UGT1A8: variants seen among roughly 807,000 people sequenced by gnomAD.
The protein encoded by UGT1A8 is UDP-glucuronosyltransferase 1A8.
UGT1A8 carries 39 observed loss-of-function variants against 45.3 expected under a neutral mutation model. The ratio of observed to expected loss-of-function variants is 0.86; its 90% confidence interval spans 0.67 to 1.12. UGT1A8 has a LOEUF of 1.12. Among genes scored for constraint, UGT1A8 ranks in the 50% most tolerant of loss-of-function variants. The pLI is 0.00. For missense variants in UGT1A8, 719 were observed against 664.9 expected (o/e 1.08, Z -0.90); for synonymous variants, 275 against 249.2 (o/e 1.10, Z -0.97).
At chr2:233,732,243 C>T (rs551987407) in intron 1 of UGT1A8, among the ~76,000 whole-genome samples, 33 of 152,314 alleles carry the variant, frequency 2.2e-4, no homozygotes, top group Non-Finnish European at 4.4e-4. Context: ...TGTAGGTTGC[C>T]TGTTCACTCT....
chr2:233,719,161 T>C, intron 1 of UGT1A8: 2 of 1,614,250 alleles, frequency 1.2e-6, no homozygotes, highest in Non-Finnish European at 1.7e-6. Flanking sequence ...TCTAGAAGTA[T>C]GGCAATTATG....
intron 1 of UGT1A8, among the ~76,000 whole-genome samples, chr2:233,638,755 T>C (rs2073371391): frequency 6.6e-6 from 1 of 152,206 alleles, no homozygotes; most frequent in African/African-American, 2.4e-5. Flanking sequence ...TATCTGTCAT[T>C]GGCAGATGGT....
At chr2:233,743,407 C>T in intron 1 of UGT1A8, 1 of 1,313,416 alleles carries the variant, frequency 7.6e-7, no homozygotes, top group Non-Finnish European at 1.0e-6. Flanking sequence ...AGAAAGGCCC[C>T]CACTTCCCAG....
chr2:233,744,040 C>T (rs1692664957), intron 1 of UGT1A8: 2 of 766,390 alleles, frequency 2.6e-6, no homozygotes, highest in South Asian at 1.7e-5. Context: ...TATGACGCAG[C>T]CACATCTCAT....
At chr2:233,690,758 CAT>C (rs55645630) in intron 1 of UGT1A8, 466,618 of 1,124,270 alleles carry the variant, frequency 0.42, 85,204 homozygotes, top group South Asian at 0.44. Flanking sequence ...CCAGTGCAGA[CAT>C]ACACACACAC....
At chr2:233,661,804 C>T (rs2073977125) in intron 1 of UGT1A8, among the ~76,000 whole-genome samples, 1 of 150,940 alleles carries the variant, frequency 6.6e-6, no homozygotes, top group Non-Finnish European at 1.5e-5. Flanking sequence ...TCATGAATTT[C>T]TCTGCTTCAT....
In UGT1A8 at chr2:233,637,092, C is replaced by T. The variant is rs543470832; in HGVS notation, c.855+18530C>T. 9 of 1,613,886 alleles carry T rather than the reference C, an allele frequency of 5.6e-6. No homozygotes were observed. In the South Asian group the frequency reaches 7.7e-5, roughly 14 times the overall value. ...AGTGCCCTGCTCCTCTTTCCTATGT[C>T]CCCAATGATCTCTTAGGGTTCTCAG... On this transcript the variant is annotated intron_variant, in intron 1 of 4. Coordinates refer to ENST00000373450, the MANE Select transcript of UGT1A8 (RefSeq NM_019076.5).
intron 1 of UGT1A8, among the ~76,000 whole-genome samples, chr2:233,677,758 A>G (rs2074398846): frequency 6.6e-6 from 1 of 152,146 alleles, no homozygotes; most frequent in South Asian, 2.1e-4. Flanking sequence ...CCCCTGTGGG[A>G]AGTAGTTTGG....
chr2:233,645,730 C>T (rs1254842340), intron 1 of UGT1A8, among the ~76,000 whole-genome samples: 6 of 152,200 alleles, frequency 3.9e-5, no homozygotes, highest in Non-Finnish European at 5.9e-5. Context: ...GGCAGCTCCA[C>T]CCCTGTGGCT....
At chr2:233,765,903 C>A (rs906451235) in intron 1 of UGT1A8, among the ~76,000 whole-genome samples, 6 of 152,044 alleles carry the variant, frequency 3.9e-5, no homozygotes, top group African/African-American at 1.5e-4. Flanking sequence ...ACTGCTCAAA[C>A]CTCTAGGGGA....
intron 1 of UGT1A8, among the ~76,000 whole-genome samples, chr2:233,671,442 A>G (rs1409459178): frequency 1.3e-5 from 2 of 152,154 alleles, no homozygotes; most frequent in East Asian, 1.9e-4. Context: ...GCGAGCCCCA[A>G]TTTAGGAGGT....
In UGT1A8 at chr2:233,618,531, T is replaced by C. The variant is rs759648224; in HGVS notation, c.824T>C (p.Ile275Thr). Residue 275 changes from isoleucine (I) to threonine (T), a missense_variant, in exon 1 of 5, where the codon ATC (isoleucine) becomes ACC (threonine). Physicochemically the swap from Ile to Thr is moderately conservative, Grantham distance 89. Transcript: ENST00000373450. The stretch of plus-strand genomic sequence containing the variant: ...CCCAATATGATCTTCATTGGTGGTA[T>C]CAACTGCCATCAGGGAAAGCCATTG... ...VMPNMIFIGG[I>T]NCHQGKPLPM... The C allele has an allele frequency of 1.2e-6, 2 of 1,613,874 alleles. No homozygotes were observed. Among genetic ancestry groups the C allele is most frequent in the Non-Finnish European group, 8.5e-7 (1 of 1,179,778 alleles).
intron 1 of UGT1A8, among the ~76,000 whole-genome samples, chr2:233,664,723 C>T (rs1477835099): frequency 1.3e-5 from 2 of 152,302 alleles, no homozygotes; most frequent in South Asian, 2.1e-4. Flanking sequence ...CAAACACCTC[C>T]CACCAGGCCC....
At chr2:233,764,961 TG>T (rs1172324167) in intron 1 of UGT1A8, among the ~76,000 whole-genome samples, 1 of 152,020 alleles carries the variant, frequency 6.6e-6, no homozygotes, top group Non-Finnish European at 1.5e-5. Context: ...GGGCTCACCT[TG>T]GGAGAAGGAT....
At chr2:233,633,548 G>A (rs1424867448) in intron 1 of UGT1A8, among the ~76,000 whole-genome samples, 3 of 152,158 alleles carry the variant, frequency 2.0e-5, no homozygotes, top group African/African-American at 4.8e-5. Context: ...GAGGATATAC[G>A]TGTCCAGGAA....
At chr2:233,755,311 C>T (rs1380738778) in intron 1 of UGT1A8, 2 of 555,594 alleles carry the variant, frequency 3.6e-6, no homozygotes, top group South Asian at 1.8e-5. Flanking sequence ...GCACAGCGAG[C>T]GGCAAGGCTG....
intron 1 of UGT1A8, among the ~76,000 whole-genome samples, chr2:233,635,090 G>T (rs1336243797): frequency 6.6e-6 from 1 of 150,890 alleles, no homozygotes; most frequent in African/African-American, 2.5e-5. Context: ...TGAAATTCTG[G>T]ATTGAAAATT....
intron 1 of UGT1A8, among the ~76,000 whole-genome samples, chr2:233,745,867 G>A (rs553219755): frequency 6.6e-6 from 1 of 151,648 alleles, no homozygotes; most frequent in African/African-American, 2.4e-5. Flanking sequence ...TGCTGACCAA[G>A]GTTCCAGAAG....
At chr2:233,729,409 G>C (rs1264400033) in intron 1 of UGT1A8, 1 of 1,613,762 alleles carries the variant, frequency 6.2e-7, no homozygotes, top group South Asian at 1.1e-5. Context: ...CCATGTGCTG[G>C]GCCACACTCA....
Sources: gnomAD v4.1 joint callset for allele counts (sites outside exome capture counted in the v4.1 genomes callset) on GRCh38, gnomAD v4.1.1 for gene constraint, MANE v1.5 for transcripts, NCBI Gene and HGNC (gene_info 2026-07-23, HGNC 2026-07-21) for gene names.